SNAP25: variants seen among roughly 807,000 people sequenced by gnomAD.
SNAP25 encodes the protein synaptosomal-associated protein 25.
Under a neutral mutation model 28.7 loss-of-function variants are expected in SNAP25, and 3 were observed. The observed-to-expected ratio is 0.10, with a 90% confidence interval of 0.05 to 0.27. SNAP25 has a LOEUF of 0.27. Among genes scored for constraint, SNAP25 ranks in the 10% least tolerant of loss-of-function variants. The pLI is 1.00. For missense variants in SNAP25, 117 were observed against 278.7 expected, an observed-to-expected ratio of 0.42 and a Z score of 4.13; for synonymous variants, 61 against 88.1, an observed-to-expected ratio of 0.69 and a Z score of 1.72.
chr20:10,270,294 C>T (rs2122962522), intron 1 of SNAP25, among the ~76,000 whole-genome samples: 1 of 152,134 alleles, frequency 6.6e-6, no homozygotes, highest in South Asian at 2.1e-4. Flanking sequence ...CTCCCACCAC[C>T]CCACCTGGTG....
At chr20:10,248,605 G>A (rs2063170669) in intron 1 of SNAP25, among the ~76,000 whole-genome samples, 1 of 152,064 alleles carries the variant, frequency 6.6e-6, no homozygotes, top group African/African-American at 2.4e-5. Flanking sequence ...CCACAACAAC[G>A]ATCATTTTTG....
chr20:10,254,527 G>T (rs60866205), intron 1 of SNAP25, among the ~76,000 whole-genome samples: 1 of 152,104 alleles, frequency 6.6e-6, no homozygotes, highest in East Asian at 1.9e-4. Context: ...TCCTTTTCCC[G>T]CGCACTCCCA....
At chr20:10,253,517 T>G (rs1052034197) in intron 1 of SNAP25, among the ~76,000 whole-genome samples, 2 of 152,138 alleles carry the variant, frequency 1.3e-5, no homozygotes, top group Non-Finnish European at 2.9e-5. Flanking sequence ...ACTATGATAC[T>G]GAGTTATCAC....
At chr20:10,296,862 A>G in intron 5 of SNAP25, 63 bp from the exon 6 acceptor site, 1 of 1,606,338 alleles carries the variant, frequency 6.2e-7, no homozygotes, top group Non-Finnish European at 8.5e-7. Context: ...TGAAGAAGTG[A>G]CAATTGTTGA....
intron 4 of SNAP25, among the ~76,000 whole-genome samples, chr20:10,290,676 T>C (rs2063977898): frequency 6.6e-6 from 1 of 152,148 alleles, no homozygotes; most frequent in Non-Finnish European, 1.5e-5. Flanking sequence ...CAACTCGCTT[T>C]GTAACTTAGG....
chr20:10,224,167 G>A (rs550567358), intron 1 of SNAP25, among the ~76,000 whole-genome samples: 9 of 144,434 alleles, frequency 6.2e-5, no homozygotes, highest in African/African-American at 2.3e-4. Flanking sequence ...TCTGACTCCA[G>A]AGATTAAGCT....
At chr20:10,271,939 AT>A (rs1488698057) in intron 1 of SNAP25, among the ~76,000 whole-genome samples, 1 of 152,146 alleles carries the variant, frequency 6.6e-6, no homozygotes, top group African/African-American at 2.4e-5. Context: ...GCAGCAAAAT[AT>A]AAAGATGGAG....
At chr20:10,290,660 A>T (rs1487492084) in intron 4 of SNAP25, among the ~76,000 whole-genome samples, 1 of 149,638 alleles carries the variant, frequency 6.7e-6, no homozygotes, top group Non-Finnish European at 1.5e-5. Flanking sequence ...AAAAAAAAAA[A>T]ATTATCAACT....
intron 6 of SNAP25, among the ~76,000 whole-genome samples, chr20:10,297,329 G>A (rs1008217905): frequency 1.3e-5 from 2 of 152,142 alleles, no homozygotes; most frequent in South Asian, 4.1e-4. Context: ...TTACATGGTG[G>A]TAGCAGTATT....
At chr20:10,305,782 T>C (rs1263753705) in intron 7 of SNAP25, among the ~76,000 whole-genome samples, 9 of 152,098 alleles carry the variant, frequency 5.9e-5, no homozygotes, top group Admixed American at 5.9e-4. Context: ...CAGATGTGAA[T>C]GCCTACCACA....
intron 1 of SNAP25, among the ~76,000 whole-genome samples, chr20:10,253,720 T>G (rs988509506): frequency 6.6e-6 from 1 of 152,190 alleles, no homozygotes; most frequent in African/African-American, 2.4e-5. Flanking sequence ...CCCTTTGCGG[T>G]GTCACCCAGC....
chr20:10,233,580 G>A (rs1411375746), intron 1 of SNAP25, among the ~76,000 whole-genome samples: 1 of 152,166 alleles, frequency 6.6e-6, no homozygotes, highest in Non-Finnish European at 1.5e-5. Context: ...TAAGCATTAA[G>A]GGATGGCATC....
At chr20:10,302,568 A>C (rs2064265813) in intron 7 of SNAP25, among the ~76,000 whole-genome samples, 1 of 152,074 alleles carries the variant, frequency 6.6e-6, no homozygotes, top group Non-Finnish European at 1.5e-5. Flanking sequence ...CTCCTTCTAA[A>C]CTTTTACTGG....
intron 6 of SNAP25, among the ~76,000 whole-genome samples, chr20:10,297,956 T>C (rs943504280): frequency 2.0e-5 from 3 of 151,938 alleles, no homozygotes; most frequent in African/African-American, 4.8e-5. Flanking sequence ...TTTTAAAAGT[T>C]CAAATTATGA....
rs993937359 is a variant in SNAP25, at chr20:10,282,783, T to C, written c.115-1941T>C. ...GCATTGTCACATCCCTATGCCCGAA[T>C]AGCCATCTGCCTTTTATAATTTCAT... On this transcript the variant is annotated intron_variant, in intron 3 of 7. Coordinates refer to ENST00000254976, the MANE Select transcript of SNAP25 (RefSeq NM_130811.4). 7.2e-5 allele frequency among the ~76,000 whole-genome samples: 11 copies of C among 152,202 alleles called. No homozygotes were observed. In the South Asian group the frequency reaches 1.2e-3, roughly 17 times the overall value.
At chr20:10,300,101 G>C (rs2064198672) in intron 7 of SNAP25, among the ~76,000 whole-genome samples, 1 of 151,854 alleles carries the variant, frequency 6.6e-6, no homozygotes, top group African/African-American at 2.4e-5. Flanking sequence ...TGATGAAATT[G>C]AGTTTACACA....
intron 1 of SNAP25, among the ~76,000 whole-genome samples, chr20:10,243,059 G>A (rs2063063558): frequency 6.6e-6 from 1 of 152,156 alleles, no homozygotes; most frequent in South Asian, 2.1e-4. Flanking sequence ...CTTTGCTTAG[G>A]GGCACTGGCT....
At chr20:10,263,703 A>C (rs1162111662) in intron 1 of SNAP25, among the ~76,000 whole-genome samples, 2 of 152,188 alleles carry the variant, frequency 1.3e-5, no homozygotes, top group Non-Finnish European at 2.9e-5. Context: ...CATTTTCATC[A>C]GTTCTGTCCT....
chr20:10,306,003 T>C (rs1348937555), intron 7 of SNAP25, 126 bp from the exon 8 acceptor site: 4 of 703,870 alleles, frequency 5.7e-6, no homozygotes, highest in African/African-American at 3.6e-5. Flanking sequence ...AAAGAAAGGA[T>C]GGCCCATGCT....
Sources: gnomAD v4.1 joint callset for allele counts (sites outside exome capture counted in the v4.1 genomes callset) on GRCh38, gnomAD v4.1.1 for gene constraint, MANE v1.5 for transcripts, NCBI Gene and HGNC (gene_info 2026-07-23, HGNC 2026-07-21) for gene names.